Variants in RELB observed in about 807,000 individuals in gnomAD.
The protein encoded by RELB is transcription factor RelB.
RELB carries 14 observed loss-of-function variants against 55.4 expected under a neutral mutation model. The ratio of observed to expected loss-of-function variants is 0.25; its 90% confidence interval spans 0.17 to 0.40. The LOEUF (loss-of-function observed/expected upper bound fraction) is 0.40. RELB is among the 10% of genes least tolerant of loss of function. The probability of loss-of-function intolerance (pLI) is 1.00; values close to 1 mark genes in which losing one functional copy is unlikely to be tolerated. For synonymous variants in RELB, 409 were observed against 371.3 expected, an observed-to-expected ratio of 1.10 and a Z score of -1.17; for missense variants, 669 against 830.7, an observed-to-expected ratio of 0.81 and a Z score of 2.39.
intron 11 of RELB, among the ~76,000 whole-genome samples, chr19:45,036,661 C>T (rs1971689201): frequency 6.6e-6 from 1 of 152,042 alleles, no homozygotes; most frequent in African/African-American, 2.4e-5. Flanking sequence ...CATTTACTTT[C>T]CCTCAGTGCC....
Position 45,021,881 on chromosome 19 carries a change from G to T in RELB, c.505-172G>T, listed in dbSNP as rs35461246. ...TGAGCCACCTCGCCCGGCCCAAAGT[G>T]GTCTTAAGCAAACACATTCCATCAT... is the stretch of plus-strand genomic sequence containing the variant. On this transcript the variant is annotated intron_variant, in intron 4 of 11. Transcript: ENST00000221452. 4.4e-4 allele frequency: 270 copies of T among 614,742 alleles called. 1 individual carries two copies. The African/African-American group carries it at 4.7e-3, about 11-fold the overall frequency. The allele number at this position is 614,742 out of a possible 1,614,324, so 38.1% of individuals were successfully genotyped here.
chr19:45,023,814 G>A (rs755199393), intron 5 of RELB, among the ~76,000 whole-genome samples: 5 of 123,388 alleles, frequency 4.1e-5, no homozygotes, highest in Non-Finnish European at 7.9e-5. Flanking sequence ...GCAATGGCAC[G>A]ATCTCTGCTC....
chr19:45,030,100 G>A (rs1043048723), intron 8 of RELB, among the ~76,000 whole-genome samples: 2 of 152,066 alleles, frequency 1.3e-5, no homozygotes, highest in East Asian at 3.9e-4. Flanking sequence ...CCGGGAGGCG[G>A]AGGCTGCAGT....
chr19:45,034,458 T>G lies in RELB; in HGVS notation c.1284T>G (p.His428Gln). ...VLGELNSSDP[H>Q]GIESKRRKKK... ...ATCTCTGCCTTCCCTCAGACCCCCA[T>G]GGCATCGAGAGCAAACGGCGGAAGA... The change falls in exon 11 of 12, where the codon CAT becomes CAG. Residue 428 changes from histidine to glutamine, a missense_variant. This residue lies in a region of RELB where 341 missense variants were observed against 436.8 expected (regional missense o/e 0.78). Coordinates refer to ENST00000221452, the MANE Select transcript of RELB (RefSeq NM_006509.4). 1 of 1,612,258 alleles carries G rather than the reference T, an allele frequency of 6.2e-7. No homozygotes were observed. Among genetic ancestry groups the G allele is most frequent in the Non-Finnish European group, 8.5e-7 (1 of 1,179,142 alleles).
At chr19:45,031,269 G>C (rs1029467905) in intron 8 of RELB, among the ~76,000 whole-genome samples, 1 of 151,806 alleles carries the variant, frequency 6.6e-6, no homozygotes. Context: ...GACCACAGGC[G>C]TGCGCCACCA....
chr19:45,034,366 A>T, intron 10 of RELB, 54 bp downstream of exon 10: 1 of 1,604,556 alleles, frequency 6.2e-7, no homozygotes, highest in Non-Finnish European at 8.5e-7. Context: ...GGGAGGGGAC[A>T]GCTGACCCCA....
At chr19:45,020,901 G>A (rs1971477559) in intron 4 of RELB, among the ~76,000 whole-genome samples, 1 of 152,206 alleles carries the variant, frequency 6.6e-6, no homozygotes, top group Non-Finnish European at 1.5e-5. Flanking sequence ...AAATTTTCAC[G>A]TGGTGGCTCA....
chr19:45,004,157 A>G (rs2122383284), intron 2 of RELB, among the ~76,000 whole-genome samples: 1 of 150,254 alleles, frequency 6.7e-6, no homozygotes, highest in Non-Finnish European at 1.5e-5. Flanking sequence ...ACCTCAGGTA[A>G]TCCGCCCGCC....
intron 9 of RELB, among the ~76,000 whole-genome samples, chr19:45,033,669 A>C (rs1460506315): frequency 6.6e-6 from 1 of 151,512 alleles, no homozygotes; most frequent in Non-Finnish European, 1.5e-5. Context: ...TGGGCAACAG[A>C]GCAAGACTCA....
In RELB at chr19:45,032,698, G is replaced by A. The variant is rs1302864766; in HGVS notation, c.1156G>A (p.Asp386Asn). ...CAACGTCTTCCTGCAGCGGCTCACC[G>A]ATGGGGTCTGCAGCGAGCCATTGCC... The part of the protein sequence containing the change: ...TVNVFLQRLT[D>N]GVCSEPLPFT... The change falls in exon 9 of 12, where the codon GAT (aspartate) becomes AAT (asparagine). Residue 386 changes from aspartate (D) to asparagine (N), a missense_variant. By Grantham distance (23) the Asp-to-Asn change is conservative. Coordinates refer to ENST00000221452, the MANE Select transcript of RELB (RefSeq NM_006509.4). 1.2e-6 allele frequency: 2 copies of A among 1,610,134 alleles called. No homozygotes were observed. The highest frequency in any genetic ancestry group is 2.2e-5 in the East Asian group (1 of 44,746).
intron 4 of RELB, among the ~76,000 whole-genome samples, chr19:45,018,645 T>C (rs903158448): frequency 1.3e-5 from 2 of 151,820 alleles, no homozygotes; most frequent in Non-Finnish European, 2.9e-5. Flanking sequence ...ACTGAGTATC[T>C]TTGAAAGGTG....
Position 45,012,284 on chromosome 19 carries a change from C to T in RELB, c.504+8C>T, listed in dbSNP as rs954027600. On this transcript the variant is annotated splice_region_variant and intron_variant, in intron 4 of 11. Transcript: ENST00000221452. ...ACGCTGCCCGCCATCGAGGTGGGCCCGGCGAGCGGCCCCGGGCGGGTGGGA... is the reference window on the plus strand; with the variant it reads ...ACGCTGCCCGCCATCGAGGTGGGCCTGGCGAGCGGCCCCGGGCGGGTGGGA... 3.6e-6 allele frequency: 5 copies of T among 1,381,500 alleles called. No homozygotes were observed. The highest frequency in any genetic ancestry group is 3.7e-6 in the Non-Finnish European group (4 of 1,073,142). The allele number at this position is 1,381,500 out of a possible 1,614,324, so 85.6% of individuals were successfully genotyped here. A position where few individuals can be genotyped will look rare whatever the true frequency, so the allele number is the denominator to read the frequency against.
At chr19:45,036,786 C>T (rs1971690912) in intron 11 of RELB, among the ~76,000 whole-genome samples, 1 of 152,186 alleles carries the variant, frequency 6.6e-6, no homozygotes, top group Non-Finnish European at 1.5e-5. Flanking sequence ...TCAAGCAATC[C>T]TCCTGCCTCA....
intron 5 of RELB, among the ~76,000 whole-genome samples, chr19:45,023,156 G>C (rs954415824): frequency 3.3e-5 from 5 of 152,096 alleles, no homozygotes; most frequent in African/African-American, 1.2e-4. Flanking sequence ...TACATTCCCT[G>C]CTGTATTCCG....
chr19:45,036,741 G>A (rs1464285267), intron 11 of RELB, among the ~76,000 whole-genome samples: 1 of 152,148 alleles, frequency 6.6e-6, no homozygotes, highest in Non-Finnish European at 1.5e-5. Flanking sequence ...GAGTGCAGTG[G>A]TGTGATCATA....
chr19:45,001,690 G>A lies in RELB; in HGVS notation c.106+5G>A. 6.6e-7 allele frequency: 1 copy of A among 1,515,770 alleles called. No individual in the cohort carries two copies. 93.9% of individuals were successfully genotyped at this position (1,515,770 alleles called of 1,614,324 possible). A position where few individuals can be genotyped will look rare whatever the true frequency, so the allele number is the denominator to read the frequency against. On this transcript the variant is annotated splice_donor_5th_base_variant and intron_variant, in intron 1 of 11. Transcript: ENST00000221452. ...CGCCGGAGCTGGGGGCCTTAGGTAA[G>A]CGGGGCTGGGGTTCAGGAGAGGGGT... is the stretch of plus-strand genomic sequence containing the variant.
chr19:45,034,019 C>T (rs984647783), intron 9 of RELB, among the ~76,000 whole-genome samples: 19 of 151,864 alleles, frequency 1.3e-4, no homozygotes, highest in African/African-American at 3.9e-4. Context: ...ATTAGCTGGG[C>T]GTGGTGGCGC....
intron 3 of RELB, among the ~76,000 whole-genome samples, chr19:45,011,334 T>C (rs1258903598): frequency 6.8e-6 from 1 of 147,862 alleles, no homozygotes; most frequent in African/African-American, 2.5e-5. Context: ...GGCTAATTTT[T>C]TGTATTTTTA....
intron 5 of RELB, among the ~76,000 whole-genome samples, chr19:45,023,664 T>C (rs2122459271): frequency 6.7e-6 from 1 of 149,510 alleles, no homozygotes; most frequent in Middle Eastern, 3.4e-3. Flanking sequence ...GGTTACCATC[T>C]CCTGACCTCG....
Sources: allele counts gnomAD v4.1 joint callset (sites outside exome capture counted in the v4.1 genomes callset), GRCh38; gene constraint gnomAD v4.1.1; regional missense constraint gnomAD v4.1.1; transcripts MANE v1.5; gene names NCBI Gene and HGNC (gene_info 2026-07-23, HGNC 2026-07-21).